The following FTCDNL1 variants were observed in gnomAD, a reference collection of about 807,000 sequenced individuals.
FTCDNL1 encodes formiminotransferase N-terminal subdomain-containing protein.
In FTCDNL1, 11 loss-of-function variants were observed where a neutral mutation model predicts 5.9. The observed-to-expected ratio is 1.87, with a 90% CI of 1.18 to 3.10. The LOEUF is 3.10. FTCDNL1 is among the 30% of genes most tolerant of loss of function. The probability of loss-of-function intolerance (pLI) is 0.00; values close to 1 mark genes in which losing one functional copy is unlikely to be tolerated. For synonymous variants in FTCDNL1, 58 were observed against 24.8 expected (o/e 2.34, Z -3.99); for missense variants, 115 against 65.5 (o/e 1.76, Z -2.61).
chr2:199,762,625 T>C (rs910674749), intron 3 of FTCDNL1, among the ~76,000 whole-genome samples: 1 of 152,308 alleles, frequency 6.6e-6, no homozygotes, highest in East Asian at 1.9e-4. Context: ...AAATAAATAA[T>C]TCATTTATGA....
chr2:199,832,794 G>A (rs1471050026), intron 3 of FTCDNL1, among the ~76,000 whole-genome samples: 1 of 151,964 alleles, frequency 6.6e-6, no homozygotes, highest in East Asian at 1.9e-4. Context: ...AGAGGACCTG[G>A]GGCTTTACAC....
chr2:199,847,729 T>A (rs1445769491), intron 2 of FTCDNL1, among the ~76,000 whole-genome samples: 1 of 152,170 alleles, frequency 6.6e-6, no homozygotes. Flanking sequence ...TCCACAAATG[T>A]CTCTGCACAT....
the FTCDNL1 span, among the ~76,000 whole-genome samples, chr2:199,704,364 C>T: frequency 6.6e-6 from 1 of 152,150 alleles, no homozygotes; most frequent in Non-Finnish European, 1.5e-5. Context: ...TACTACCCTA[C>T]ATGGTCCTGC....
At chr2:199,808,810 T>C (rs1219813903), downstream of FTCDNL1, among the ~76,000 whole-genome samples, 2 of 152,232 alleles carry the variant, frequency 1.3e-5, no homozygotes, top group East Asian at 1.9e-4. Flanking sequence ...TAGACATTTA[T>C]TCCCCTAGTT....
the FTCDNL1 span, among the ~76,000 whole-genome samples, chr2:199,685,151 G>A: frequency 3.9e-5 from 6 of 152,072 alleles, no homozygotes; most frequent in Admixed American, 3.3e-4. Flanking sequence ...CCTGAACATA[G>A]AAAACCTTTT....
the FTCDNL1 span, among the ~76,000 whole-genome samples, chr2:199,746,796 AAAATT>A: frequency 6.6e-6 from 1 of 151,582 alleles, no homozygotes; most frequent in Non-Finnish European, 1.5e-5. Flanking sequence ...TTTTCTTCGA[AAAATT>A]AAACGAAAAG....
At chr2:199,775,602 G>A (rs1435011543) in intron 3 of FTCDNL1, among the ~76,000 whole-genome samples, 1 of 152,158 alleles carries the variant, frequency 6.6e-6, no homozygotes, top group Non-Finnish European at 1.5e-5. Context: ...TTCTGCTCCA[G>A]ATATCCACGC....
intron 1 of FTCDNL1, among the ~76,000 whole-genome samples, chr2:199,850,112 C>A (rs1039865077): frequency 2.6e-5 from 4 of 152,218 alleles, no homozygotes; most frequent in African/African-American, 9.6e-5. Context: ...CTAGAGAGAG[C>A]TCAGGCTTCG....
chr2:199,762,177 G>A (rs915646345), intron 3 of FTCDNL1, among the ~76,000 whole-genome samples: 26 of 152,146 alleles, frequency 1.7e-4, no homozygotes, highest in African/African-American at 5.8e-4. Context: ...TCAGGAGTTC[G>A]AGACCAGCCT....
At chr2:199,833,460 C>A (rs1207755340) in intron 3 of FTCDNL1, among the ~76,000 whole-genome samples, 1 of 152,232 alleles carries the variant, frequency 6.6e-6, no homozygotes, top group African/African-American at 2.4e-5. Context: ...GGACCTCTCA[C>A]TCTCTTTCAG....
chr2:199,743,192 T>C, the FTCDNL1 span, among the ~76,000 whole-genome samples: 1 of 152,130 alleles, frequency 6.6e-6, no homozygotes, highest in East Asian at 1.9e-4. Context: ...TCCCCAGCCC[T>C]GTAGTCTCCT....
At chr2:199,750,529 C>T in the FTCDNL1 span, among the ~76,000 whole-genome samples, 84 of 152,170 alleles carry the variant, frequency 5.5e-4, no homozygotes, top group Non-Finnish European at 4.0e-4. Flanking sequence ...CCACACCTAA[C>T]TGGTTCTGAG....
intron 3 of FTCDNL1, among the ~76,000 whole-genome samples, chr2:199,792,263 A>G (rs968664363): frequency 6.6e-6 from 1 of 152,190 alleles, no homozygotes; most frequent in Non-Finnish European, 1.5e-5. Flanking sequence ...GTTTTGGTAA[A>G]TATAGAAATA....
At chr2:199,733,946 G>GGA in the FTCDNL1 span, among the ~76,000 whole-genome samples, 2 of 144,484 alleles carry the variant, frequency 1.4e-5, no homozygotes, top group African/African-American at 5.1e-5. Context: ...TGGATTGAAG[G>GGA]AAAAAAAAAA....
intron 3 of FTCDNL1, among the ~76,000 whole-genome samples, chr2:199,773,953 T>C (rs1327799404): frequency 6.6e-6 from 1 of 152,216 alleles, no homozygotes; most frequent in East Asian, 1.9e-4. Context: ...TTCTCAGTGA[T>C]GCTGGTCCCT....
chr2:199,711,252 T>C, the FTCDNL1 span, among the ~76,000 whole-genome samples: 2 of 148,278 alleles, frequency 1.3e-5, no homozygotes, highest in African/African-American at 5.0e-5. Context: ...GTTTTTCATA[T>C]AAGAAGCAAA....
At chr2:199,732,765 C>G in the FTCDNL1 span, among the ~76,000 whole-genome samples, 1 of 152,196 alleles carries the variant, frequency 6.6e-6, no homozygotes, top group Non-Finnish European at 1.5e-5. Context: ...TGCACCCTAA[C>G]CCATCGAACC....
the FTCDNL1 span, among the ~76,000 whole-genome samples, chr2:199,743,187 A>G: frequency 6.6e-6 from 1 of 152,172 alleles, no homozygotes; most frequent in Admixed American, 6.5e-5. Context: ...ATCTGTCCCC[A>G]GCCCTGTAGT....
chr2:199,803,109 ATC>A (rs1439436692), intron 3 of FTCDNL1, among the ~76,000 whole-genome samples: 6 of 145,206 alleles, frequency 4.1e-5, no homozygotes, highest in Admixed American at 3.6e-4. Flanking sequence ...TGCAAGGATT[ATC>A]TGAGCCTGGG....
Sources: gnomAD v4.1 joint callset for allele counts (sites outside exome capture counted in the v4.1 genomes callset) on GRCh38, gnomAD v4.1.1 for gene constraint, MANE v1.5 for transcripts, NCBI Gene and HGNC (gene_info 2026-07-23, HGNC 2026-07-21) for gene names.